The following THBS4 variants were observed in gnomAD, a reference collection of about 807,000 sequenced individuals.
The protein encoded by THBS4 is thrombospondin-4.
In THBS4, 90 loss-of-function variants were observed where a neutral mutation model predicts 115.7. The observed-to-expected ratio is 0.78, with a 90% CI of 0.66 to 0.93. The LOEUF (loss-of-function observed/expected upper bound fraction) is 0.93. Among genes scored for constraint, THBS4 ranks in the 40% least tolerant of loss-of-function variants. THBS4 has a pLI of 0.00. For missense variants in THBS4, 1,087 were observed against 1,232.7 expected, an observed-to-expected ratio of 0.88 and a Z score of 1.77; for synonymous variants, 460 against 479.3, an observed-to-expected ratio of 0.96 and a Z score of 0.53.
At chr5:80,058,817 A>G in intron 5 of THBS4, 27 bp downstream of exon 5, 1 of 1,604,860 alleles carries the variant, frequency 6.2e-7, no homozygotes, top group Non-Finnish European at 8.5e-7. Context: ...ATCATCAGAA[A>G]AGCCCTCGTC....
Position 80,072,372 on chromosome 5 carries a change from T to C in THBS4, c.1815T>C (p.Cys605=), listed in dbSNP as rs1834097210. 6.2e-7 allele frequency: 1 copy of C among 1,614,078 alleles called. No homozygotes were observed. Among genetic ancestry groups the C allele is most frequent in the African/African-American group, 1.3e-5 (1 of 74,934 alleles). The part of the protein sequence containing the change: ...GDGVGDACDS[C]PDVSNPNQSD... ...GTGTGGGGGATGCCTGTGACAGTTG[T>C]CCTGATGTCAGCAACCCTAACCAGG... Residue 605 remains cysteine, a synonymous_variant, in exon 14 of 22, where the codon TGT becomes TGC. Coordinates refer to ENST00000350881, the MANE Select transcript of THBS4 (RefSeq NM_003248.6).
chr5:80,051,424 G>A (rs1327150267), intron 2 of THBS4, among the ~76,000 whole-genome samples: 1 of 152,228 alleles, frequency 6.6e-6, no homozygotes, highest in East Asian at 1.9e-4. Flanking sequence ...ATTGGATCAA[G>A]TGTGAAGAAT....
intron 2 of THBS4, among the ~76,000 whole-genome samples, chr5:80,014,387 T>C (rs1832207057): frequency 6.6e-6 from 1 of 152,162 alleles, no homozygotes; most frequent in South Asian, 2.1e-4. Flanking sequence ...ATTCCAGCAG[T>C]CATGACAGTG....
At chr5:80,038,992 A>T (rs1341375032) in intron 1 of THBS4, among the ~76,000 whole-genome samples, 1 of 152,252 alleles carries the variant, frequency 6.6e-6, no homozygotes, top group Non-Finnish European at 1.5e-5. Flanking sequence ...CTCCTGCATC[A>T]TTAGGTAAAT....
intron 1 of THBS4, among the ~76,000 whole-genome samples, chr5:80,037,121 T>C (rs1488291991): frequency 2.0e-5 from 3 of 152,220 alleles, no homozygotes; most frequent in African/African-American, 4.8e-5. Context: ...CAAGTTCAAA[T>C]TTATAGGTAT....
Position 80,083,187 on chromosome 5 carries a change from A to C in THBS4, c.*46A>C. The C allele has an allele frequency of 6.6e-7, 1 of 1,522,588 alleles. No individual in the cohort carries two copies. The highest frequency in any genetic ancestry group is 9.1e-7 in the Non-Finnish European group (1 of 1,097,250). 94.3% of individuals were successfully genotyped at this position (1,522,588 alleles called of 1,614,324 possible). On this transcript the variant is annotated 3_prime_UTR_variant, in exon 22 of 22. Transcript: ENST00000350881. ...CTGCTTTTCGGAACACTAAAACCAT[A>C]TATATTTTAACTTCAATTTTCTTTA... is the stretch of plus-strand genomic sequence containing the variant.
At chr5:80,065,366 G>A (rs756889176) in intron 8 of THBS4, 43 bp from the exon 9 acceptor site, 1 of 1,535,860 alleles carries the variant, frequency 6.5e-7, no homozygotes, top group Admixed American at 1.8e-5. Flanking sequence ...TTCTATTTAA[G>A]CAGCATGTCT....
intron 1 of THBS4, among the ~76,000 whole-genome samples, chr5:79,993,924 C>T (rs918598084): frequency 6.6e-6 from 1 of 152,146 alleles, no homozygotes; most frequent in Non-Finnish European, 1.5e-5. Flanking sequence ...GATATAAAAT[C>T]CTTAAGGAGG....
At chr5:80,007,528 A>G (rs911637844) in intron 2 of THBS4, among the ~76,000 whole-genome samples, 7 of 152,204 alleles carry the variant, frequency 4.6e-5, no homozygotes, top group African/African-American at 1.2e-4. Context: ...TGTCCCCACT[A>G]CCGTCCACCA....
At chr5:80,082,959 C>CT in intron 21 of THBS4, 121 bp from the exon 22 acceptor site, 1 of 831,190 alleles carries the variant, frequency 1.2e-6, no homozygotes, top group East Asian at 2.5e-5. Context: ...CGGCGAGGGC[C>CT]TGCGGGGCGT....
rs769556559 is a variant in THBS4, at chr5:80,058,299, G to A, written c.634G>A (p.Ala212Thr). The change falls in exon 4 of 22, where the codon GCT becomes ACT. Residue 212 changes from alanine to threonine, a missense_variant. Ala to Thr is a moderately conservative substitution (Grantham distance 58). Transcript: ENST00000350881. ...CTTCCTGCAGCAGAGTGAGCCACTG[G>A]CTGCCACAGGCACAGGTGTGGGCTC... ...DCFLQQSEPL[A>T]ATGTGDFNRQ... 4.6e-5 allele frequency: 72 copies of A among 1,561,918 alleles called. No individual in the cohort carries two copies. In the Middle Eastern group the frequency reaches 5.0e-4, roughly 11 times the overall value.
chr5:80,004,429 G>A (rs1373168874), intron 2 of THBS4, among the ~76,000 whole-genome samples: 1 of 152,166 alleles, frequency 6.6e-6, no homozygotes, highest in Non-Finnish European at 1.5e-5. Context: ...ATGCAGATCT[G>A]GGTCCCGCAG....
upstream of THBS4, among the ~76,000 whole-genome samples, chr5:80,032,992 G>A (rs1392802535): frequency 6.6e-6 from 1 of 152,098 alleles, no homozygotes; most frequent in Non-Finnish European, 1.5e-5. Flanking sequence ...TTTGTTGTTT[G>A]TTTGTTTTGG....
At chr5:80,068,600 G>A in intron 10 of THBS4, 1 of 169,192 alleles carries the variant, frequency 5.9e-6, no homozygotes, top group Admixed American at 5.9e-5. Context: ...CCATCGTGTA[G>A]AGGTGGGGAC....
At chr5:80,067,331 T>A (rs1833866364) in intron 9 of THBS4, 2 of 151,858 alleles carry the variant, frequency 1.3e-5, no homozygotes, top group African/African-American at 4.8e-5. Context: ...ATGAAAATTT[T>A]AATTTTCATT....
intron 6 of THBS4, 80 bp from the exon 7 acceptor site, chr5:80,059,623 A>T (rs1833557009): frequency 1.5e-5 from 24 of 1,598,820 alleles, no homozygotes; most frequent in Non-Finnish European, 2.0e-5. Flanking sequence ...GGAAAAGTTC[A>T]ATAGGAAACC....
At chr5:80,016,463 G>A (rs964090855) in intron 2 of THBS4, among the ~76,000 whole-genome samples, 1 of 151,974 alleles carries the variant, frequency 6.6e-6, no homozygotes, top group African/African-American at 2.4e-5. Context: ...ATTGGTCTGC[G>A]AAATGGTATT....
chr5:80,082,812 A>G lies in THBS4; in HGVS notation c.2824+267A>G, dbSNP rs368439741. ...ATCCAGTCAGATTTAATTTACAGGA[A>G]GCCTTTATTTTCATGTGGTTAAAAC... On this transcript the variant is annotated intron_variant, in intron 21 of 21. Transcript: ENST00000350881. Among the ~76,000 whole-genome samples, 144 of 152,364 alleles carry G rather than the reference A, an allele frequency of 9.5e-4. 1 individual carries two copies. Among genetic ancestry groups the G allele is most frequent in the African/African-American group, 3.4e-3 (140 of 41,594 alleles).
intron 20 of THBS4, among the ~76,000 whole-genome samples, chr5:80,080,393 G>A (rs1460127069): frequency 6.6e-6 from 1 of 151,914 alleles, no homozygotes; most frequent in Non-Finnish European, 1.5e-5. Flanking sequence ...AAGCCTGAGG[G>A]TGGACATGCC....
Sources: allele counts gnomAD v4.1 joint callset (sites outside exome capture counted in the v4.1 genomes callset), GRCh38; gene constraint gnomAD v4.1.1; transcripts MANE v1.5; gene names NCBI Gene and HGNC (gene_info 2026-07-23, HGNC 2026-07-21).